The following AQP9 variants were observed in gnomAD, a reference collection of about 807,000 sequenced individuals.
AQP9 encodes aquaporin-9.
Under a neutral mutation model 23.8 loss-of-function variants are expected in AQP9, and 19 were observed. The observed-to-expected ratio is 0.80, with a 90% CI of 0.56 to 1.17. The LOEUF is 1.17. Ranked by LOEUF, AQP9 falls within the 50% of genes most tolerant of loss-of-function variation. The pLI is 0.00. For synonymous variants in AQP9, 153 were observed against 131.5 expected (o/e 1.16, Z -1.12); for missense variants, 413 against 362.0 (o/e 1.14, Z -1.14).
intron 1 of AQP9, chr15:58,164,148 G>C (rs971450755): frequency 6.6e-6 from 1 of 152,218 alleles, no homozygotes; most frequent in Middle Eastern, 3.2e-3. Context: ...TCAGCATCTA[G>C]AGTGGAAGAG....
At chr15:58,182,869 G>A (rs2140638177) in intron 5 of AQP9, among the ~76,000 whole-genome samples, 1 of 152,316 alleles carries the variant, frequency 6.6e-6, no homozygotes, top group African/African-American at 2.4e-5. Flanking sequence ...TCACGATGGG[G>A]AATGGGGGTT....
chr15:58,178,286 A>C, intron 4 of AQP9, among the ~76,000 whole-genome samples: 1 of 152,196 alleles, frequency 6.6e-6, no homozygotes, highest in Non-Finnish European at 1.5e-5. Flanking sequence ...TTAATGTTAT[A>C]AGTATTTTTA....
At chr15:58,147,854 G>T (rs1354391105) in intron 1 of AQP9, among the ~76,000 whole-genome samples, 1 of 151,712 alleles carries the variant, frequency 6.6e-6, no homozygotes, top group African/African-American at 2.4e-5. Context: ...AGGCAGAAAT[G>T]GTATGTGTTA....
At chr15:58,144,104 C>T (rs1044177037) in intron 1 of AQP9, among the ~76,000 whole-genome samples, 3 of 152,188 alleles carry the variant, frequency 2.0e-5, no homozygotes, top group East Asian at 1.9e-4. Flanking sequence ...ATTTACTAAA[C>T]GTTTAGGTGC....
At chr15:58,154,650 A>T (rs1159488327) in intron 1 of AQP9, among the ~76,000 whole-genome samples, 1 of 152,120 alleles carries the variant, frequency 6.6e-6, no homozygotes, top group Non-Finnish European at 1.5e-5. Context: ...AAAGCCCCTC[A>T]AATGTCAATA....
chr15:58,182,827 G>C (rs1435489558), intron 5 of AQP9, among the ~76,000 whole-genome samples: 2 of 152,266 alleles, frequency 1.3e-5, no homozygotes, highest in East Asian at 3.9e-4. Context: ...TGCCCCAGGT[G>C]GAAGGGACCA....
intron 1 of AQP9, among the ~76,000 whole-genome samples, chr15:58,140,868 A>G (rs943103616): frequency 1.3e-5 from 2 of 152,132 alleles, no homozygotes; most frequent in Non-Finnish European, 2.9e-5. Context: ...ACACCATGGT[A>G]TAAATTACGG....
chr15:58,175,174 C>A (rs1228252635), intron 4 of AQP9, 138 bp downstream of exon 4: 1 of 843,712 alleles, frequency 1.2e-6, no homozygotes, highest in Non-Finnish European at 1.9e-6. Flanking sequence ...ATAACCCAAG[C>A]TTTCTTGATA....
chr15:58,144,801 G>A (rs1163448651), intron 1 of AQP9, among the ~76,000 whole-genome samples: 4 of 151,698 alleles, frequency 2.6e-5, no homozygotes, highest in African/African-American at 9.7e-5. Flanking sequence ...GGATCAAGAG[G>A]TCAGGAGTTC....
chr15:58,142,229 A>G (rs1369881019), intron 1 of AQP9, among the ~76,000 whole-genome samples: 1 of 152,182 alleles, frequency 6.6e-6, no homozygotes, highest in African/African-American at 2.4e-5. Flanking sequence ...AGAGAGAGAA[A>G]GGAGAGCGAT....
Position 58,175,031 on chromosome 15 carries a change from G to T in AQP9, c.490G>T (p.Asp164Tyr). ...TCTATCTCTGGCGAACGCATTTGCA[G>T]ATCAAGTAAGTGTAGATTCAACAAA... ...PYLSLANAFA[D>Y]QVVATMILLI... The change falls in exon 4 of 6, where the codon GAT (aspartate) becomes TAT (tyrosine). Residue 164 changes from aspartate to tyrosine, a missense_variant. Transcript: ENST00000219919. 6.2e-7 allele frequency: 1 copy of T among 1,610,742 alleles called. No homozygotes were observed. Among genetic ancestry groups the T allele is most frequent in the Non-Finnish European group, 8.5e-7 (1 of 1,176,902 alleles).
chr15:58,176,247 G>A (rs1337945814), intron 4 of AQP9, among the ~76,000 whole-genome samples: 11 of 152,182 alleles, frequency 7.2e-5, no homozygotes, highest in Non-Finnish European at 1.6e-4. Flanking sequence ...AGCTGGGCAC[G>A]GTGGTTCACA....
intron 4 of AQP9, among the ~76,000 whole-genome samples, chr15:58,176,616 CTT>C (rs11296169): frequency 0.16 from 21,173 of 135,306 alleles, 1,617 homozygotes; most frequent in Non-Finnish European, 0.18. Context: ...TTTCTCTAAG[CTT>C]TTTTTTTTTT....
At chr15:58,181,302 G>A (rs1354391774) in intron 5 of AQP9, among the ~76,000 whole-genome samples, 5 of 152,176 alleles carry the variant, frequency 3.3e-5, no homozygotes, top group African/African-American at 1.2e-4. Flanking sequence ...CACTAAAGAT[G>A]ATAAGACCTA....
chr15:58,166,939 ATAAAAT>A, intron 2 of AQP9, 140 bp downstream of exon 2: 1 of 1,165,770 alleles, frequency 8.6e-7, no homozygotes. Context: ...ATTTTTATAG[ATAAAAT>A]TAAAATCACC....
At chr15:58,165,866 G>A (rs775306423) in intron 1 of AQP9, among the ~76,000 whole-genome samples, 1 of 152,204 alleles carries the variant, frequency 6.6e-6, no homozygotes, top group Non-Finnish European at 1.5e-5. Context: ...TGGGCTTGGT[G>A]CCAGAGGGAA....
intron 1 of AQP9, among the ~76,000 whole-genome samples, chr15:58,163,096 C>T (rs1008333232): frequency 3.9e-5 from 6 of 151,982 alleles, no homozygotes; most frequent in Middle Eastern, 3.4e-3. Flanking sequence ...TGGGTTGTGC[C>T]GATGAGAGAA....
chr15:58,165,244 C>G (rs1277123644), intron 1 of AQP9, among the ~76,000 whole-genome samples: 2 of 152,178 alleles, frequency 1.3e-5, no homozygotes, highest in African/African-American at 4.8e-5. Flanking sequence ...GTCTCATTTT[C>G]CTACCAAACT....
chr15:58,181,050 C>A (rs1179640237), intron 5 of AQP9, among the ~76,000 whole-genome samples: 1 of 152,176 alleles, frequency 6.6e-6, no homozygotes, highest in Non-Finnish European at 1.5e-5. Context: ...TCTTCTTCCA[C>A]CCCCTTTGAG....
Sources: gnomAD v4.1 joint callset for allele counts (sites outside exome capture counted in the v4.1 genomes callset) on GRCh38, gnomAD v4.1.1 for gene constraint, MANE v1.5 for transcripts, NCBI Gene and HGNC (gene_info 2026-07-23, HGNC 2026-07-21) for gene names.